Variants in RSRP1 observed in about 807,000 individuals in gnomAD.
The protein encoded by RSRP1 is arginine and serine rich protein 1.
A neutral mutation model predicts 33.0 loss-of-function variants in RSRP1; 37 were observed. The observed-to-expected ratio is 1.12, with a 90% CI of 0.86 to 1.48. RSRP1 has a LOEUF of 1.48. Ranked by LOEUF, RSRP1 falls within the 40% of genes most tolerant of loss-of-function variation. The probability of loss-of-function intolerance (pLI) is 0.00; values close to 1 mark genes in which losing one functional copy is unlikely to be tolerated. For missense variants in RSRP1, 402 were observed against 385.3 expected (o/e 1.04, Z -0.36); for synonymous variants, 167 against 158.7 (o/e 1.05, Z -0.40).
chr1:25,288,457 G>A (rs1191668759), intron 1 of RSRP1, among the ~76,000 whole-genome samples: 2 of 128,124 alleles, frequency 1.6e-5, no homozygotes, highest in African/African-American at 5.3e-5. Flanking sequence ...GAAGATTACA[G>A]GTGTGAGCCA....
At chr1:25,308,719 A>G (rs1180136165) in intron 1 of RSRP1, among the ~76,000 whole-genome samples, 1 of 128,350 alleles carries the variant, frequency 7.8e-6, no homozygotes, top group East Asian at 2.0e-4. Context: ...GAGTGAGTTG[A>G]GGACCAAGAA....
rs775949752 is a variant in RSRP1 at position 25,246,587 on chromosome 1, TACG to T, written c.374_376del (p.Ser125del). On this transcript the variant is annotated inframe_deletion, in exon 2 of 5. Transcript: ENST00000243189. Reference sequence around the variant, plus strand: ...CGCGATCGCGTACGCCCTTCCGCAGTACGACCTTCCCCGAGAGCGCGACCTGCT... The same window carrying T: ...CGCGATCGCGTACGCCCTTCCGCAGTACCTTCCCCGAGAGCGCGACCTGCT... 260 of 1,614,050 alleles carry T rather than the reference TACG, an allele frequency of 1.6e-4. No homozygotes were observed. Among genetic ancestry groups the T allele is most frequent in the Non-Finnish European group, 2.1e-4 (248 of 1,180,046 alleles).
At chr1:25,272,776 C>G in intron 1 of RSRP1, 1 of 1,335,672 alleles carries the variant, frequency 7.5e-7, no homozygotes, top group Non-Finnish European at 1.1e-6. Flanking sequence ...TCCAGGGGCA[C>G]AGATGTTCCT....
chr1:25,301,000 C>T lies in RSRP1; in HGVS notation c.-67+36978G>A, dbSNP rs139508538. 1.3e-4 allele frequency: 182 copies of T among 1,378,584 alleles called. 34 individuals carry two copies. In the African/African-American group the frequency reaches 2.2e-3, roughly 17 times the overall value. 85.4% of individuals were successfully genotyped at this position (1,378,584 alleles called of 1,614,324 possible). A position where few individuals can be genotyped will look rare whatever the true frequency, so the allele number is the denominator to read the frequency against. ...CTACGTGTTCGCAGCCTATTTTGGG[C>T]TGTCTGTGGCCTGGTGCCTGCCAAA... On this transcript the variant is annotated intron_variant, in intron 1 of 1. Coordinates refer to the RSRP1 transcript ENST00000561867.
chr1:25,257,038 TAAG>T (rs1639970770), intron 1 of RSRP1, among the ~76,000 whole-genome samples: 1 of 152,234 alleles, frequency 6.6e-6, no homozygotes, highest in South Asian at 2.1e-4. Context: ...CATGCTGCTT[TAAG>T]TAGTATTACT....
intron 4 of RSRP1, among the ~76,000 whole-genome samples, chr1:25,243,298 TTAAAA>T (rs1346493335): frequency 3.7e-4 from 56 of 152,142 alleles, no homozygotes; most frequent in Non-Finnish European, 4.4e-4. Context: ...AGATTTCCCT[TTAAAA>T]TATTTCAATA....
rs1228466807 is a variant in RSRP1, at chr1:25,329,884, T to G, written c.-67+8094A>C. 2.3e-5 allele frequency: 3 copies of G among 129,898 alleles called. 1 individual carries two copies. Among genetic ancestry groups the G allele is most frequent in the African/African-American group, 7.9e-5 (3 of 38,116 alleles). 8.0% of individuals were successfully genotyped at this position (129,898 alleles called of 1,614,324 possible). A position where few individuals can be genotyped will look rare whatever the true frequency, so the allele number is the denominator to read the frequency against. On this transcript the variant is annotated intron_variant, in intron 1 of 1. Coordinates refer to the RSRP1 transcript ENST00000561867. The stretch of plus-strand genomic sequence containing the variant: ...CTAGGATAGTTTCACCAGGATCTCT[T>G]GGCCTCATGATCAGCCTGCCTCGGC...
At chr1:25,292,255 T>C (rs1642572276) in intron 1 of RSRP1, among the ~76,000 whole-genome samples, 1 of 132,058 alleles carries the variant, frequency 7.6e-6, no homozygotes, top group Admixed American at 7.4e-5. Flanking sequence ...CAGGGAGAAC[T>C]AGGGAGTGTT....
intron 1 of RSRP1, among the ~76,000 whole-genome samples, chr1:25,262,212 G>C (rs1381989923): frequency 6.6e-6 from 1 of 152,166 alleles, no homozygotes; most frequent in Non-Finnish European, 1.5e-5. Flanking sequence ...TACTTTCAAA[G>C]ACATCTTGGA....
In RSRP1 at chr1:25,246,883, G is replaced by A; in HGVS notation, c.81C>T (p.Ser27=). 6.2e-7 allele frequency: 1 copy of A among 1,607,544 alleles called. No individual in the cohort carries two copies. Among genetic ancestry groups the A allele is most frequent in the Non-Finnish European group, 8.5e-7 (1 of 1,175,506 alleles). The change falls in exon 2 of 5, where the codon TCC becomes TCT. Residue 27 remains serine (S), a synonymous_variant. Transcript: ENST00000243189. ...TCCTAGACCGCGACGACAGCCGGCTGGACCCGCCCGACCGCGAGGTCGAGG... is the reference window on the plus strand; with the variant it reads ...TCCTAGACCGCGACGACAGCCGGCTAGACCCGCCCGACCGCGAGGTCGAGG... ...DSPSTSRSGG[S]SRLSSRSRSR... is the part of the protein sequence containing the mutation.
At position 25,319,076 on chromosome 1, in the gene RSRP1, T is replaced by C. The variant is rs1206115319; in HGVS notation, c.-67+18902A>G. 2.3e-5 allele frequency among the ~76,000 whole-genome samples: 3 copies of C among 132,322 alleles called. 1 individual carries two copies. The highest frequency in any genetic ancestry group is 7.7e-5 in the African/African-American group (3 of 38,864). 86.8% of individuals were successfully genotyped at this position (132,322 alleles called of 152,430 possible). On this transcript the variant is annotated intron_variant, in intron 1 of 1. Transcript: ENST00000561867. ...AATGCAAGGTGTCTGTTTTTAAATT[T>C]GAAATGAATTGGGTATCCTGCATTT...
intron 1 of RSRP1, among the ~76,000 whole-genome samples, chr1:25,296,629 A>G (rs375673658): frequency 3.8e-5 from 5 of 131,194 alleles, no homozygotes; most frequent in African/African-American, 1.3e-4. Flanking sequence ...TGAGGGCATG[A>G]CCTCGTGGGA....
Position 25,321,685 on chromosome 1 carries a change from A to AAATAAAATAAAATAAAATAC in RSRP1, c.-67+16292_-67+16293insGTATTTTATTTTATTTTATT, listed in dbSNP as rs1557568287. ...ACTCTGTCTCAAAATAAATAAAATA[A>AAATAAAATAAAATAAAATAC]AATAAAATAAAATAAAATAAAATAG... On this transcript the variant is annotated intron_variant, in intron 1 of 1. Coordinates refer to the RSRP1 transcript ENST00000561867. Among the ~76,000 whole-genome samples the AAATAAAATAAAATAAAATAC allele has an allele frequency of 1.6e-5, 2 of 123,912 alleles. 1 individual carries two copies. The highest frequency in any genetic ancestry group is 3.8e-5 in the Non-Finnish European group (2 of 52,690). The allele number at this position is 123,912 out of a possible 152,430, so 81.3% of individuals were successfully genotyped here.
chr1:25,312,919 C>T (rs111366163), intron 1 of RSRP1, among the ~76,000 whole-genome samples: 1 of 3,610 alleles, frequency 2.8e-4, no homozygotes, highest in South Asian at 0.019. Flanking sequence ...AATCCCATCT[C>T]TAAAAAAAAA....
intron 1 of RSRP1, among the ~76,000 whole-genome samples, chr1:25,257,455 A>C (rs1284486693): frequency 2.6e-5 from 4 of 152,340 alleles, no homozygotes; most frequent in Non-Finnish European, 5.9e-5. Flanking sequence ...GCAGAGGGAA[A>C]ATAATATTTT....
intron 1 of RSRP1, among the ~76,000 whole-genome samples, chr1:25,286,906 A>T (rs934903932): frequency 7.4e-6 from 1 of 134,472 alleles, no homozygotes; most frequent in African/African-American, 2.6e-5. Flanking sequence ...CAACCTGAGC[A>T]ACATGGTGAA....
Position 25,296,770 on chromosome 1 carries a change from C to T in RSRP1, c.-67+41208G>A, listed in dbSNP as rs1308398793. Among the ~76,000 whole-genome samples, 11 of 121,706 alleles carry T rather than the reference C, an allele frequency of 9.0e-5. 1 individual carries two copies. The highest frequency in any genetic ancestry group is 2.9e-4 in the African/African-American group (11 of 37,318). 79.8% of individuals were successfully genotyped at this position (121,706 alleles called of 152,430 possible). A position where few individuals can be genotyped will look rare whatever the true frequency, so the allele number is the denominator to read the frequency against. On this transcript the variant is annotated intron_variant, in intron 1 of 1. Transcript: ENST00000561867. ...TCTCTCTCTCTCTCACCTGACACCA[C>T]GTAAGATGTGCCTTGCTTCCCTTTC...
At chr1:25,249,101 A>T (rs1639687624), upstream of RSRP1, among the ~76,000 whole-genome samples, 1 of 152,186 alleles carries the variant, frequency 6.6e-6, no homozygotes, top group Non-Finnish European at 1.5e-5. Context: ...GTGAGCTGAG[A>T]TTGCAACACT....
At chr1:25,243,303 A>C (rs1434090746) in intron 4 of RSRP1, among the ~76,000 whole-genome samples, 1 of 152,106 alleles carries the variant, frequency 6.6e-6, no homozygotes, top group Non-Finnish European at 1.5e-5. Context: ...TCCCTTTAAA[A>C]TATTTCAATA....
Sources: gnomAD v4.1 joint callset for allele counts (sites outside exome capture counted in the v4.1 genomes callset) on GRCh38, gnomAD v4.1.1 for gene constraint, MANE v1.5 for transcripts, NCBI Gene and HGNC (gene_info 2026-07-23, HGNC 2026-07-21) for gene names.